Variants in PDSS2 observed in about 807,000 individuals in gnomAD.
PDSS2 encodes the protein decaprenyl diphosphate synthase subunit 2.
A neutral mutation model predicts 44.5 loss-of-function variants in PDSS2; 31 were observed. That is an observed-to-expected ratio of 0.70 (90% CI 0.52 to 0.94). The LOEUF (loss-of-function observed/expected upper bound fraction) is 0.94. PDSS2 is among the 40% of genes least tolerant of loss of function. The pLI, the probability that PDSS2 is intolerant of heterozygous loss-of-function variation, is 0.00. For synonymous variants in PDSS2, 157 were observed against 180.3 expected (o/e 0.87, Z 1.03); for missense variants, 452 against 482.2 (o/e 0.94, Z 0.59).
intron 7 of PDSS2, among the ~76,000 whole-genome samples, chr6:107,166,287 T>C (rs1333867239): frequency 1.3e-5 from 2 of 152,060 alleles, no homozygotes; most frequent in Non-Finnish European, 2.9e-5. Flanking sequence ...TTCAGTATGA[T>C]ATTGGCTGTG....
At chr6:107,197,525 T>TTAGA (rs1303729748) in intron 6 of PDSS2, among the ~76,000 whole-genome samples, 1 of 150,570 alleles carries the variant, frequency 6.6e-6, no homozygotes, top group Non-Finnish European at 1.5e-5. Flanking sequence ...TAGAAGTAAG[T>TTAGA]TAGAGACACT....
At chr6:107,391,024 G>T (rs182767045) in intron 1 of PDSS2, among the ~76,000 whole-genome samples, 4 of 149,708 alleles carry the variant, frequency 2.7e-5, no homozygotes, top group Non-Finnish European at 1.5e-5. Flanking sequence ...TTCAAATAAG[G>T]TTCCTTGAAC....
At chr6:107,318,481 A>G (rs1207929622) in intron 2 of PDSS2, among the ~76,000 whole-genome samples, 1 of 152,154 alleles carries the variant, frequency 6.6e-6, no homozygotes, top group Non-Finnish European at 1.5e-5. Context: ...GAGATGACCT[A>G]TAAGTCTGTT....
intron 4 of PDSS2, among the ~76,000 whole-genome samples, chr6:107,226,701 G>A (rs1313739302): frequency 1.5e-4 from 21 of 140,118 alleles, no homozygotes; most frequent in Non-Finnish European, 2.6e-4. Flanking sequence ...ATGGAGTCTC[G>A]TTCTGTCGCC....
At chr6:107,208,625 TG>T (rs148716960) in intron 6 of PDSS2, among the ~76,000 whole-genome samples, 32,660 of 146,268 alleles carry the variant, frequency 0.22, 4,538 homozygotes, top group East Asian at 0.47. Context: ...TTTTTTTTTT[TG>T]GGGACGGAGT....
At chr6:107,393,937 T>A (rs1374223563) in intron 1 of PDSS2, among the ~76,000 whole-genome samples, 8 of 152,306 alleles carry the variant, frequency 5.3e-5, no homozygotes, top group Admixed American at 4.6e-4. Flanking sequence ...TTCTATCTCT[T>A]TGGTTTTTAT....
intron 2 of PDSS2, among the ~76,000 whole-genome samples, chr6:107,329,605 G>A (rs1777651105): frequency 2.0e-5 from 3 of 152,108 alleles, no homozygotes; most frequent in Non-Finnish European, 4.4e-5. Context: ...GACTTGATTA[G>A]CTCTGTAAAG....
chr6:107,459,291 G>A lies in PDSS2; in HGVS notation c.-6C>T. The A allele has an allele frequency of 6.2e-7, 1 of 1,613,692 alleles. No individual in the cohort carries two copies. The highest frequency in any genetic ancestry group is 8.5e-7 in the Non-Finnish European group (1 of 1,179,898). ...AGCAGCTGCCGAAAGTTCATGGTTTGAGTCTGGAAGGGTCTGGGACCTGGG... is the reference window on the plus strand; with the variant it reads ...AGCAGCTGCCGAAAGTTCATGGTTTAAGTCTGGAAGGGTCTGGGACCTGGG... On this transcript the variant is annotated 5_prime_UTR_variant, in exon 1 of 8. Coordinates refer to ENST00000369037, the MANE Select transcript of PDSS2 (RefSeq NM_020381.4). The surrounding 1 kb of genome is among the most constrained non-coding windows in gnomAD (Gnocchi z 4.3).
At chr6:107,296,894 T>C (rs2115044122) in intron 2 of PDSS2, among the ~76,000 whole-genome samples, 1 of 152,354 alleles carries the variant, frequency 6.6e-6, no homozygotes, top group East Asian at 1.9e-4. Context: ...ACTATGTTTA[T>C]ACCTCATCAC....
chr6:107,214,126 T>G (rs1450426931), intron 4 of PDSS2, among the ~76,000 whole-genome samples: 1 of 149,764 alleles, frequency 6.7e-6, no homozygotes, highest in Non-Finnish European at 1.5e-5. Flanking sequence ...TTTTTTGAGA[T>G]GGAGTCTCTC....
At chr6:107,262,900 C>A (rs572608721) in intron 3 of PDSS2, among the ~76,000 whole-genome samples, 1 of 151,696 alleles carries the variant, frequency 6.6e-6, no homozygotes, top group South Asian at 2.1e-4. Flanking sequence ...GATAGTCCGG[C>A]CTGGGCAAGG....
chr6:107,377,727 T>A (rs1472491459), intron 1 of PDSS2, among the ~76,000 whole-genome samples: 1 of 152,074 alleles, frequency 6.6e-6, no homozygotes, highest in Non-Finnish European at 1.5e-5. Flanking sequence ...TGAGTTCATG[T>A]CCTTTGTAGG....
chr6:107,365,327 T>C (rs1237216118), intron 1 of PDSS2, among the ~76,000 whole-genome samples: 3 of 152,134 alleles, frequency 2.0e-5, no homozygotes, highest in Non-Finnish European at 4.4e-5. Flanking sequence ...TTAAGATGCA[T>C]ATTTTAGCCC....
intron 1 of PDSS2, among the ~76,000 whole-genome samples, chr6:107,454,639 C>CTTTTT (rs397812708): frequency 1.0e-4 from 15 of 145,858 alleles, no homozygotes; most frequent in Admixed American, 8.9e-4. Flanking sequence ...TGGTGGTTTC[C>CTTTTT]TTTTTTTTTT....
At chr6:107,183,425 C>T (rs1007711502) in intron 7 of PDSS2, among the ~76,000 whole-genome samples, 11 of 152,084 alleles carry the variant, frequency 7.2e-5, no homozygotes, top group Non-Finnish European at 1.3e-4. Flanking sequence ...TGGCCAGGTG[C>T]GGTGGCTCAT....
At chr6:107,225,156 TATATA>T (rs1444557341) in intron 4 of PDSS2, among the ~76,000 whole-genome samples, 1 of 53,036 alleles carries the variant, frequency 1.9e-5, no homozygotes, top group African/African-American at 1.4e-4. Flanking sequence ...TATATATATA[TATATA>T]TTTTTTTTTT....
At chr6:107,258,380 T>C (rs1307132165) in intron 3 of PDSS2, among the ~76,000 whole-genome samples, 1 of 139,240 alleles carries the variant, frequency 7.2e-6, no homozygotes, top group Non-Finnish European at 1.7e-5. Context: ...TCCTACAACA[T>C]CTACAACATT....
chr6:107,270,381 G>A (rs1361158486), intron 3 of PDSS2, among the ~76,000 whole-genome samples: 2 of 151,978 alleles, frequency 1.3e-5, no homozygotes, highest in Non-Finnish European at 2.9e-5. Flanking sequence ...GAAAGTGCTG[G>A]GATTACAGGC....
At chr6:107,339,195 T>C (rs1401374325) in intron 1 of PDSS2, among the ~76,000 whole-genome samples, 1 of 152,248 alleles carries the variant, frequency 6.6e-6, no homozygotes, top group East Asian at 1.9e-4. Context: ...AAGCCTGGAA[T>C]ATGTGACATC....
Sources: gnomAD v4.1 joint callset for allele counts (sites outside exome capture counted in the v4.1 genomes callset) on GRCh38, gnomAD v4.1.1 for gene constraint, Gnocchi (gnomAD v3.1) non-coding constraint, MANE v1.5 for transcripts, NCBI Gene and HGNC (gene_info 2026-07-23, HGNC 2026-07-21) for gene names.